CHRM3: variants seen among roughly 807,000 people sequenced by gnomAD.
The protein encoded by CHRM3 is cholinergic receptor muscarinic 3.
Under a neutral mutation model 41.8 loss-of-function variants are expected in CHRM3, and 11 were observed. That is an observed-to-expected ratio of 0.26 (90% CI 0.17 to 0.44). The LOEUF (loss-of-function observed/expected upper bound fraction) is 0.44, where lower values mean the gene tolerates loss of function less well. Ranked by LOEUF, CHRM3 falls within the 20% of genes least tolerant of loss-of-function variation. CHRM3 has a pLI of 1.00. For synonymous variants in CHRM3, 297 were observed against 301.4 expected (o/e 0.99, Z 0.15); for missense variants, 571 against 745.4 (o/e 0.77, Z 2.72).
intron 3 of CHRM3, among the ~76,000 whole-genome samples, chr1:239,573,917 A>G (rs77082213): frequency 0.031 from 4,660 of 152,026 alleles, 259 homozygotes; most frequent in African/African-American, 0.11. Context: ...TTAGAAAGTT[A>G]TTTCTTGATC....
intron 5 of CHRM3, among the ~76,000 whole-genome samples, chr1:239,692,153 C>T (rs1300839368): frequency 6.6e-6 from 1 of 152,148 alleles, no homozygotes; most frequent in Non-Finnish European, 1.5e-5. Flanking sequence ...TGGTATCAGT[C>T]AGGCTGGGAG....
At chr1:239,555,084 G>A (rs781354610) in intron 3 of CHRM3, among the ~76,000 whole-genome samples, 2 of 152,124 alleles carry the variant, frequency 1.3e-5, no homozygotes, top group Non-Finnish European at 2.9e-5. Context: ...TGTAGGTGTT[G>A]TAGAATCTAA....
intron 1 of CHRM3, among the ~76,000 whole-genome samples, chr1:239,459,207 G>T (rs1012439081): frequency 6.6e-6 from 1 of 151,856 alleles, no homozygotes; most frequent in African/African-American, 2.4e-5. Context: ...AGTCCTTTTT[G>T]TCCCTAAATC....
At chr1:239,525,794 G>A (rs1400113075) in intron 2 of CHRM3, among the ~76,000 whole-genome samples, 3 of 152,106 alleles carry the variant, frequency 2.0e-5, no homozygotes, top group Middle Eastern at 3.2e-3. Context: ...TTGGAACAAG[G>A]GCATGTAGGC....
At chr1:239,549,036 A>G (rs1175547085) in intron 3 of CHRM3, among the ~76,000 whole-genome samples, 1 of 152,132 alleles carries the variant, frequency 6.6e-6, no homozygotes, top group Non-Finnish European at 1.5e-5. Flanking sequence ...AGCAAGTCAC[A>G]TTTTACATGG....
At chr1:239,492,452 T>G (rs747172172) in intron 1 of CHRM3, among the ~76,000 whole-genome samples, 2 of 152,170 alleles carry the variant, frequency 1.3e-5, no homozygotes, top group African/African-American at 2.4e-5. Flanking sequence ...AAAGTGTGCT[T>G]TATCTAAATA....
At chr1:239,447,186 T>G (rs1270531700) in intron 1 of CHRM3, among the ~76,000 whole-genome samples, 1 of 152,194 alleles carries the variant, frequency 6.6e-6, no homozygotes, top group East Asian at 1.9e-4. Flanking sequence ...CTTGGTTTTT[T>G]TCACAGTAAT....
intron 3 of CHRM3, among the ~76,000 whole-genome samples, chr1:239,602,110 G>GTGTGTGTATATATA (rs1307023039): frequency 1.8e-5 from 2 of 112,862 alleles, no homozygotes; most frequent in Admixed American, 9.1e-5. Flanking sequence ...GTGTGTGTGT[G>GTGTGTGTATATATA]TATATATATA....
At chr1:239,639,617 T>A (rs975333767) in intron 4 of CHRM3, among the ~76,000 whole-genome samples, 1 of 151,666 alleles carries the variant, frequency 6.6e-6, no homozygotes, top group Non-Finnish European at 1.5e-5. Flanking sequence ...TGATTTTGTA[T>A]CCTGAGACTT....
chr1:239,835,766 C>T (rs983447668), intron 6 of CHRM3, among the ~76,000 whole-genome samples: 4 of 152,048 alleles, frequency 2.6e-5, no homozygotes, highest in Admixed American at 6.6e-5. Flanking sequence ...TGCACTGGGT[C>T]GCAAAGAAAA....
At chr1:239,404,402 AAGAAAGAAAAAGAAAGAAAGAAAGAAAG>A (rs1660328525) in intron 1 of CHRM3, among the ~76,000 whole-genome samples, 40 of 64,714 alleles carry the variant, frequency 6.2e-4, no homozygotes, top group African/African-American at 1.6e-3. Context: ...GAAAGAAAGA[AAGAAAGAAAAAGAAAGAAAGAAAGAAAG>A]AAAGAAAGAA....
chr1:239,656,993 A>G (rs1305809244), intron 4 of CHRM3, among the ~76,000 whole-genome samples: 1 of 152,228 alleles, frequency 6.6e-6, no homozygotes, highest in Admixed American at 6.5e-5. Flanking sequence ...GTCATTAAAA[A>G]GAGCAACTAA....
chr1:239,887,730 T>C lies in CHRM3; in HGVS notation c.-19-19703T>C, dbSNP rs958499484. Among the ~76,000 whole-genome samples the C allele has an allele frequency of 7.2e-5, 11 of 152,336 alleles. 1 individual carries two copies. In the South Asian group the frequency reaches 2.3e-3, roughly 32 times the overall value. On this transcript the variant is annotated intron_variant, in intron 6 of 6. Coordinates refer to ENST00000676153, the MANE Select transcript of CHRM3 (RefSeq NM_001375978.1). ...GTTAGTCATTCAGTATACAAGTTTTTTAAAGTGTCGGTTTCTCAGCTATAC... is the reference window on the plus strand; with the variant it reads ...GTTAGTCATTCAGTATACAAGTTTTCTAAAGTGTCGGTTTCTCAGCTATAC...
At chr1:239,537,884 T>C (rs1658360067) in intron 2 of CHRM3, among the ~76,000 whole-genome samples, 1 of 152,234 alleles carries the variant, frequency 6.6e-6, no homozygotes, top group African/African-American at 2.4e-5. Flanking sequence ...ATTGGCTAAT[T>C]TGGCTTTGAA....
chr1:239,876,904 C>A (rs1677152475), intron 6 of CHRM3, among the ~76,000 whole-genome samples: 1 of 152,156 alleles, frequency 6.6e-6, no homozygotes, highest in Admixed American at 6.5e-5. Context: ...TGCAAGAAGT[C>A]ATCTACTTAT....
At position 239,765,072 on chromosome 1, in the gene CHRM3, C is replaced by T. The variant is rs149319625; in HGVS notation, c.-146-62180C>T. ...ACAACAGTGTGAAAATGAAAGGAGC[C>T]TCAGGGGTTATTAGTAATTCCTAAT... On this transcript the variant is annotated intron_variant, in intron 5 of 6. Transcript: ENST00000676153. Among the ~76,000 whole-genome samples the T allele has an allele frequency of 3.9e-5, 6 of 152,304 alleles. No homozygotes were observed. In the East Asian group the frequency reaches 1.2e-3, roughly 29 times the overall value.
chr1:239,493,726 A>T (rs1314318849), intron 2 of CHRM3, among the ~76,000 whole-genome samples: 2 of 152,164 alleles, frequency 1.3e-5, no homozygotes, highest in African/African-American at 4.8e-5. Context: ...GGCATTACTG[A>T]TGCTCAGTTG....
chr1:239,885,167 A>T (rs1677964746), intron 6 of CHRM3, among the ~76,000 whole-genome samples: 1 of 152,192 alleles, frequency 6.6e-6, no homozygotes, highest in Admixed American at 6.5e-5. Context: ...ACTACCTCCA[A>T]ACTACCCAGT....
intron 5 of CHRM3, among the ~76,000 whole-genome samples, chr1:239,693,310 A>G (rs1432114262): frequency 6.6e-6 from 1 of 152,024 alleles, no homozygotes; most frequent in Non-Finnish European, 1.5e-5. Flanking sequence ...GTATTTGGAG[A>G]TATGGGTTTT....
Sources: gnomAD v4.1 joint callset for allele counts (sites outside exome capture counted in the v4.1 genomes callset) on GRCh38, gnomAD v4.1.1 for gene constraint, MANE v1.5 for transcripts, NCBI Gene and HGNC (gene_info 2026-07-23, HGNC 2026-07-21) for gene names.